BRCA1: variants seen among roughly 807,000 people sequenced by gnomAD.
BRCA1 encodes BRCA1 DNA repair associated, also known as breast cancer type 1 susceptibility protein.
Under a neutral mutation model 173.7 loss-of-function variants are expected in BRCA1, and 140 were observed. That is an observed-to-expected ratio of 0.81 (90% CI 0.70 to 0.93). The LOEUF is 0.93. BRCA1 is among the 40% of genes least tolerant of loss of function. The pLI is 0.00. For synonymous variants in BRCA1, 662 were observed against 756.0 expected (o/e 0.88, Z 2.04); for missense variants, 1,983 against 2,172.5 (o/e 0.91, Z 1.73).
rs80357706 is a variant in BRCA1 at position 43,093,124 on chromosome 17, TCA to T, written c.2405_2406del (p.Val802GlufsTer7). On this transcript the variant is annotated frameshift_variant, in exon 10 of 23. Coordinates refer to ENST00000357654, the MANE Select transcript of BRCA1 (RefSeq NM_007294.4). LOFTEE classifies it high-confidence loss of function. ...GGGTTTTCAAATGCTGCACACTGAC[TCA>T]CACATTTATTTGGTTCTGTTTTTGC... ...GKAKTEPNKCVSQCAAFENPK... is the reference protein window; with the variant it reads ...GKAKTEPNKCXSQCAAFENPK... 3 of 1,613,676 alleles carry T rather than the reference TCA, an allele frequency of 1.9e-6. No individual in the cohort carries two copies. The South Asian group carries it at 3.3e-5, about 18-fold the overall frequency.
chr17:43,148,650 G>A (rs924246965), intron 1 of BRCA1: 4 of 153,678 alleles, frequency 2.6e-5, no homozygotes, highest in Non-Finnish European at 5.9e-5. Flanking sequence ...CACGTTTATG[G>A]TTCTTCAGTT....
rs1400635407 is a variant in BRCA1, at chr17:43,099,769, C to T, written c.547+6G>A. 6.3e-7 allele frequency: 1 copy of T among 1,595,966 alleles called. No homozygotes were observed. The highest frequency in any genetic ancestry group is 2.2e-5 in the East Asian group (1 of 44,776). ...ATTAAATACTTAAAAAACCTGAGAC[C>T]CTTACCCAATTCAATGTAGACAGAC... On this transcript the variant is annotated splice_donor_region_variant and intron_variant, in intron 7 of 22. Transcript: ENST00000357654.
intron 1 of BRCA1, among the ~76,000 whole-genome samples, chr17:43,151,292 T>C (rs2056160043): frequency 6.6e-6 from 1 of 152,064 alleles, no homozygotes; most frequent in African/African-American, 2.4e-5. Context: ...ATCAAAAGGA[T>C]ATTATATGAA....
chr17:43,129,453 T>C (rs572951844), upstream of BRCA1, among the ~76,000 whole-genome samples: 2 of 151,946 alleles, frequency 1.3e-5, no homozygotes, highest in Non-Finnish European at 2.9e-5. Context: ...CCCTAACGAG[T>C]AGGGAAGTGT....
At chr17:43,126,028 A>T (rs970228232), upstream of BRCA1, among the ~76,000 whole-genome samples, 5 of 152,294 alleles carry the variant, frequency 3.3e-5, no homozygotes, top group Middle Eastern at 3.4e-3. Flanking sequence ...ACTAGGCCTT[A>T]AAAAGATACG....
intron 1 of BRCA1, chr17:43,162,974 G>C (rs1186512144): frequency 6.6e-6 from 1 of 152,232 alleles, no homozygotes; most frequent in Non-Finnish European, 1.5e-5. Flanking sequence ...GGAGCAAGGT[G>C]GTGGGGTTTA....
At chr17:43,058,432 G>T (rs2051608367) in intron 18 of BRCA1, among the ~76,000 whole-genome samples, 1 of 152,028 alleles carries the variant, frequency 6.6e-6, no homozygotes, top group Non-Finnish European at 1.5e-5. Context: ...AAAAAGAATT[G>T]CTGGGCAGAG....
At chr17:43,134,870 T>C (rs1486743301) in intron 1 of BRCA1, among the ~76,000 whole-genome samples, 1 of 152,160 alleles carries the variant, frequency 6.6e-6, no homozygotes, top group Non-Finnish European at 1.5e-5. Flanking sequence ...AAGGGATACT[T>C]TCCTAACCCA....
At chr17:43,105,098 A>G (rs1288663198) in intron 4 of BRCA1, 142 bp from the exon 5 acceptor site, 2 of 698,410 alleles carry the variant, frequency 2.9e-6, no homozygotes, top group Non-Finnish European at 5.0e-6. Context: ...CATCATTGAC[A>G]TCTGTATAAA....
At chr17:43,049,005 G>T in intron 21 of BRCA1, 116 bp downstream of exon 21, 2 of 957,502 alleles carry the variant, frequency 2.1e-6, no homozygotes, top group Non-Finnish European at 1.7e-6. Flanking sequence ...AGGTATGTGG[G>T]CAGAGAAGAC....
Position 43,044,804 on chromosome 17 carries a change from CTTTTTT to C in BRCA1, c.*868_*873del, listed in dbSNP as rs59541324. 9.7e-4 allele frequency: 369 copies of C among 380,240 alleles called. No individual in the cohort carries two copies. Among genetic ancestry groups the C allele is most frequent in the South Asian group, 1.5e-3 (78 of 51,544 alleles). 23.6% of individuals were successfully genotyped at this position (380,240 alleles called of 1,614,324 possible). On this transcript the variant is annotated 3_prime_UTR_variant, in exon 23 of 23. Transcript: ENST00000357654. Reference sequence around the variant, plus strand: ...AGAAATCTCTTCTAGTTTCATTTTCCTTTTTTTTTTTTTTTTTTTGAGCCACAGTCT... The same window carrying C: ...AGAAATCTCTTCTAGTTTCATTTTCCTTTTTTTTTTTTTGAGCCACAGTCT...
intron 6 of BRCA1, among the ~76,000 whole-genome samples, chr17:43,103,452 G>A (rs1475099359): frequency 1.3e-5 from 2 of 149,628 alleles, no homozygotes; most frequent in African/African-American, 5.0e-5. Context: ...GGGCGACAGA[G>A]CGAGACTCTG....
At chr17:43,137,044 A>G (rs1034987775) in intron 1 of BRCA1, among the ~76,000 whole-genome samples, 2 of 152,224 alleles carry the variant, frequency 1.3e-5, no homozygotes, top group African/African-American at 4.8e-5. Context: ...ATGTCCATCA[A>G]TGATAGACTG....
chr17:43,077,402 C>T (rs999719011), intron 12 of BRCA1, among the ~76,000 whole-genome samples: 1 of 151,624 alleles, frequency 6.6e-6, no homozygotes. Flanking sequence ...GCAATCTTGG[C>T]TCACTGCAAC....
chr17:43,138,565 G>A, intron 1 of BRCA1: 2 of 696,924 alleles, frequency 2.9e-6, no homozygotes, highest in East Asian at 5.3e-5. Context: ...ACACCTCCAA[G>A]TATAAGTAGG....
rs142828814 is a variant in BRCA1 at position 43,142,054 on chromosome 17, A to G, written c.-19-17939T>C. On this transcript the variant is annotated intron_variant, in intron 1 of 7. Coordinates refer to the BRCA1 transcript ENST00000634433. ...CAGCCTCCTGAGTAACTGGGATTACAGGAGCACATGACCATCCCCAGCTAA... is the reference window on the plus strand; with the variant it reads ...CAGCCTCCTGAGTAACTGGGATTACGGGAGCACATGACCATCCCCAGCTAA... Among the ~76,000 whole-genome samples, 660 of 152,162 alleles carry G rather than the reference A, an allele frequency of 4.3e-3. 5 individuals are homozygous for G. The highest frequency in any genetic ancestry group is 0.015 in the African/African-American group (636 of 41,550).
intron 6 of BRCA1, among the ~76,000 whole-genome samples, chr17:43,100,486 C>T (rs753466164): frequency 7.3e-5 from 10 of 136,460 alleles, no homozygotes; most frequent in East Asian, 2.1e-4. Flanking sequence ...GGTCTACAAG[C>T]GTGTGCAACT....
chr17:43,156,108 G>T, intron 1 of BRCA1, among the ~76,000 whole-genome samples: 1 of 151,970 alleles, frequency 6.6e-6, no homozygotes, highest in South Asian at 2.1e-4. Flanking sequence ...ATGGTGGCAC[G>T]CACCTGTAGT....
At chr17:43,132,105 C>T (rs1365894790) in intron 1 of BRCA1, among the ~76,000 whole-genome samples, 3 of 152,174 alleles carry the variant, frequency 2.0e-5, no homozygotes, top group East Asian at 3.9e-4. Flanking sequence ...ATATTTAATC[C>T]TCACATCAAC....
Sources: allele counts gnomAD v4.1 joint callset (sites outside exome capture counted in the v4.1 genomes callset), GRCh38; gene constraint gnomAD v4.1.1; transcripts MANE v1.5; gene names NCBI Gene and HGNC (gene_info 2026-07-23, HGNC 2026-07-21).